FUT8: variants seen among roughly 807,000 people sequenced by gnomAD.
FUT8 encodes fucosyltransferase 8.
A neutral mutation model predicts 71.3 loss-of-function variants in FUT8; 29 were observed. That is an observed-to-expected ratio of 0.41 (90% confidence interval 0.30 to 0.55). FUT8 has a LOEUF of 0.55. FUT8 is among the 20% of genes least tolerant of loss of function. The pLI is 0.34. For missense variants in FUT8, 544 were observed against 702.1 expected (o/e 0.77, Z 2.55); for synonymous variants, 254 against 239.3 (o/e 1.06, Z -0.57).
rs113666029 is a variant in FUT8 at position 65,604,558 on chromosome 14, A to G, written c.204-11420A>G. ...AAAAAATTCCTCAAACTGAACAATA[A>G]TAGTGATACAGCCTATCAAAACCTC... is the stretch of plus-strand genomic sequence containing the variant. On this transcript the variant is annotated intron_variant, in intron 3 of 10. Coordinates refer to ENST00000673929, the MANE Select transcript of FUT8 (RefSeq NM_001371533.1). Among the ~76,000 whole-genome samples, 28 of 152,050 alleles carry G rather than the reference A, an allele frequency of 1.8e-4. 1 individual carries two copies. In the East Asian group the frequency reaches 4.1e-3, roughly 22 times the overall value.
At chr14:65,594,087 A>G (rs751491119) in intron 3 of FUT8, among the ~76,000 whole-genome samples, 1 of 152,210 alleles carries the variant, frequency 6.6e-6, no homozygotes, top group Non-Finnish European at 1.5e-5. Flanking sequence ...GTCAGAAAAT[A>G]ATTAGTGAAA....
intron 7 of FUT8, among the ~76,000 whole-genome samples, chr14:65,695,677 T>C (rs899105437): frequency 2.6e-5 from 4 of 152,156 alleles, no homozygotes; most frequent in East Asian, 1.9e-4. Context: ...TTCTTTTTTT[T>C]TTAAATCCAC....
intron 6 of FUT8, among the ~76,000 whole-genome samples, chr14:65,655,475 C>CAAA (rs575608113): frequency 1.8e-4 from 9 of 49,672 alleles, no homozygotes; most frequent in African/African-American, 4.7e-4. Flanking sequence ...GACTCCGTCT[C>CAAA]AAAAAAAAAA....
At chr14:65,475,328 G>T (rs1197325939) in intron 2 of FUT8, among the ~76,000 whole-genome samples, 1 of 152,120 alleles carries the variant, frequency 6.6e-6, no homozygotes, top group Non-Finnish European at 1.5e-5. Flanking sequence ...TGTCATAGGC[G>T]TAGGAGGTAT....
chr14:65,430,551 C>T (rs766552544), intron 1 of FUT8, among the ~76,000 whole-genome samples: 8 of 151,996 alleles, frequency 5.3e-5, no homozygotes, highest in Non-Finnish European at 8.8e-5. Flanking sequence ...AATGAGCAGC[C>T]GTCAGAAGAT....
At chr14:65,405,862 CTT>C (rs143378221), upstream of FUT8, among the ~76,000 whole-genome samples, 215 of 152,336 alleles carry the variant, frequency 1.4e-3, 1 homozygote, top group African/African-American at 5.1e-3. Flanking sequence ...GATAATCTCT[CTT>C]CTCACATCTA....
chr14:65,396,768 A>G, the FUT8 span, among the ~76,000 whole-genome samples: 9 of 152,248 alleles, frequency 5.9e-5, no homozygotes, highest in African/African-American at 1.9e-4. This position sits in a 1 kb window ranked among gnomAD's most constrained non-coding sequence, Gnocchi z 5.5. Flanking sequence ...GCTGGATTTT[A>G]GTTCCCCATT....
intron 5 of FUT8, among the ~76,000 whole-genome samples, chr14:65,622,946 G>C (rs1334862749): frequency 1.6e-5 from 2 of 125,456 alleles, no homozygotes; most frequent in South Asian, 2.4e-4. Flanking sequence ...GTCTCTCTCT[G>C]TCACCCAGGC....
chr14:65,578,055 G>A (rs1162104082), intron 3 of FUT8, among the ~76,000 whole-genome samples: 1 of 151,962 alleles, frequency 6.6e-6, no homozygotes, highest in African/African-American at 2.4e-5. Flanking sequence ...TAACTAAATT[G>A]TAAAAATTTA....
At chr14:65,421,756 T>TTA (rs2065301229) in intron 1 of FUT8, among the ~76,000 whole-genome samples, 1 of 121,456 alleles carries the variant, frequency 8.2e-6, no homozygotes, top group African/African-American at 3.0e-5. Flanking sequence ...CCTTTTTTTT[T>TTA]TTTTGCCATA....
the FUT8 span, among the ~76,000 whole-genome samples, chr14:65,363,662 A>G: frequency 6.6e-6 from 1 of 152,128 alleles, no homozygotes; most frequent in East Asian, 1.9e-4. Context: ...CTAAAGACAA[A>G]GGGACACAGA....
At chr14:65,726,178 A>G (rs2139366285) in intron 9 of FUT8, among the ~76,000 whole-genome samples, 1 of 152,360 alleles carries the variant, frequency 6.6e-6, no homozygotes, top group African/African-American at 2.4e-5. Flanking sequence ...TTAAAACACC[A>G]AACTGAATTT....
At chr14:65,663,620 T>C (rs955582629) in intron 6 of FUT8, among the ~76,000 whole-genome samples, 3 of 152,140 alleles carry the variant, frequency 2.0e-5, no homozygotes, top group Non-Finnish European at 4.4e-5. Context: ...AAGTCTTCCA[T>C]TGATTACCTT....
At chr14:65,724,632 G>T (rs1355305583) in intron 9 of FUT8, among the ~76,000 whole-genome samples, 1 of 152,158 alleles carries the variant, frequency 6.6e-6, no homozygotes, top group Non-Finnish European at 1.5e-5. Flanking sequence ...TCACTAGTCT[G>T]TTGGAGCTGC....
chr14:65,512,041 C>CT (rs1225469221), intron 2 of FUT8, among the ~76,000 whole-genome samples: 2 of 152,188 alleles, frequency 1.3e-5, no homozygotes, highest in Non-Finnish European at 2.9e-5. Context: ...ATGGTATAGC[C>CT]TATTGCTTCT....
intron 7 of FUT8, among the ~76,000 whole-genome samples, chr14:65,705,042 T>A (rs866391494): frequency 2.0e-5 from 3 of 152,254 alleles, no homozygotes; most frequent in Admixed American, 6.5e-5. Context: ...TTCTTAAGAA[T>A]GTTGCTAACA....
At chr14:65,725,732 C>T (rs1207762719) in intron 9 of FUT8, among the ~76,000 whole-genome samples, 1 of 152,198 alleles carries the variant, frequency 6.6e-6, no homozygotes, top group South Asian at 2.1e-4. Flanking sequence ...GTATTGATTT[C>T]AATCCCATCA....
chr14:65,705,154 G>A lies in FUT8; in HGVS notation c.836-16621G>A, dbSNP rs535026304. On this transcript the variant is annotated intron_variant, in intron 7 of 10. Coordinates refer to ENST00000673929, the MANE Select transcript of FUT8 (RefSeq NM_001371533.1). Reference sequence around the variant, plus strand: ...AGTCTTTCAAGTTGTTGACTAAGTAGAGCAGTGATAGAATTCATATGACAT... The same window carrying A: ...AGTCTTTCAAGTTGTTGACTAAGTAAAGCAGTGATAGAATTCATATGACAT... 1.6e-4 allele frequency among the ~76,000 whole-genome samples: 24 copies of A among 152,116 alleles called. No individual in the cohort carries two copies. The South Asian group carries it at 3.1e-3, about 20-fold the overall frequency.
chr14:65,535,400 T>A (rs2139931837), intron 2 of FUT8, among the ~76,000 whole-genome samples: 1 of 152,226 alleles, frequency 6.6e-6, no homozygotes, highest in Non-Finnish European at 1.5e-5. Context: ...TGTGCCCAGC[T>A]CTTTCTAACT....
Sources: allele counts gnomAD v4.1 joint callset (sites outside exome capture counted in the v4.1 genomes callset), GRCh38; gene constraint gnomAD v4.1.1; non-coding constraint Gnocchi (gnomAD v3.1); transcripts MANE v1.5; gene names NCBI Gene and HGNC (gene_info 2026-07-23, HGNC 2026-07-21).